Variants in ARMC3 observed in about 807,000 individuals in gnomAD.
ARMC3 encodes the protein armadillo repeat-containing protein 3.
ARMC3 carries 74 observed loss-of-function variants against 90.3 expected under a neutral mutation model. That is an observed-to-expected ratio of 0.82 (90% CI 0.68 to 0.99). The LOEUF (loss-of-function observed/expected upper bound fraction) is 0.99, where lower values mean the gene tolerates loss of function less well. Ranked by LOEUF, ARMC3 falls within the 50% of genes least tolerant of loss-of-function variation. The pLI is 0.00. For synonymous variants in ARMC3, 334 were observed against 361.8 expected, an observed-to-expected ratio of 0.92 and a Z score of 0.87; for missense variants, 958 against 1,042.8, an observed-to-expected ratio of 0.92 and a Z score of 1.12.
chr10:23,006,857 C>A, intron 13 of ARMC3, 27 bp from the exon 14 acceptor site: 1 of 1,604,028 alleles, frequency 6.2e-7, no homozygotes, highest in Non-Finnish European at 8.5e-7. Context: ...GCAGATACTA[C>A]TTTTTGGTCC....
At chr10:22,959,895 T>C (rs1288604305) in intron 6 of ARMC3, 2 of 473,300 alleles carry the variant, frequency 4.2e-6, no homozygotes, top group African/African-American at 3.9e-5. Flanking sequence ...CAGCTACTAT[T>C]GACTGAACCC....
intron 13 of ARMC3, among the ~76,000 whole-genome samples, chr10:23,006,296 G>A (rs564001745): frequency 1.3e-5 from 2 of 152,198 alleles, no homozygotes; most frequent in African/African-American, 4.8e-5. Flanking sequence ...AACAGGAACC[G>A]TGGCAGTGTC....
At chr10:23,027,762 C>G (rs1838770103) in intron 16 of ARMC3, among the ~76,000 whole-genome samples, 1 of 152,164 alleles carries the variant, frequency 6.6e-6, no homozygotes, top group Non-Finnish European at 1.5e-5. Context: ...TTTCTCTTCT[C>G]TGTCTGGGAC....
In ARMC3 at chr10:23,024,393, C is replaced by CAG. The variant is rs1554787800; in HGVS notation, c.2046-6202_2046-6201insGA. ...GGATTAGGAAGAAAGAGGAATGCCA[C>CAG]ATAGATAGATAGATAGATAGATAGA... On this transcript the variant is annotated intron_variant, in intron 16 of 18. Coordinates refer to ENST00000298032, the MANE Select transcript of ARMC3 (RefSeq NM_173081.5). 2.3e-3 allele frequency among the ~76,000 whole-genome samples: 302 copies of CAG among 133,540 alleles called. 2 individuals carry two copies. Among genetic ancestry groups the CAG allele is most frequent in the African/African-American group, 7.3e-3 (287 of 39,520 alleles). The allele number at this position is 133,540 out of a possible 152,430, so 87.6% of individuals were successfully genotyped here.
chr10:22,994,801 G>A (rs1474092583), intron 10 of ARMC3, among the ~76,000 whole-genome samples: 1 of 152,138 alleles, frequency 6.6e-6, no homozygotes, highest in Non-Finnish European at 1.5e-5. Flanking sequence ...TATGGAGGAG[G>A]AAAATAGTCA....
chr10:22,988,323 A>C (rs1262589200), intron 10 of ARMC3, among the ~76,000 whole-genome samples: 1 of 152,210 alleles, frequency 6.6e-6, no homozygotes, highest in East Asian at 1.9e-4. Context: ...GTGCTTCAAC[A>C]AAAATCAGTG....
At chr10:22,999,047 T>C (rs1331809133) in intron 11 of ARMC3, among the ~76,000 whole-genome samples, 1 of 152,240 alleles carries the variant, frequency 6.6e-6, no homozygotes, top group East Asian at 1.9e-4. Context: ...TTCGGTGTCA[T>C]TGAAATGGTC....
At position 22,959,093 on chromosome 10, in the gene ARMC3, G is replaced by C; in HGVS notation, c.316G>C (p.Glu106Gln). The change falls in exon 5 of 19, where the codon GAG becomes CAG. Residue 106 changes from glutamate to glutamine, a missense_variant. Coordinates refer to ENST00000298032, the MANE Select transcript of ARMC3 (RefSeq NM_173081.5). ...SNNDVKKLLR[E>Q]LDVMNSVIAQ... ...AGATGATGTTAAAAAATTGTTAAGG[G>C]AGTTAGATGTCATGAATTCTGTCAT... The C allele has an allele frequency of 6.2e-7, 1 of 1,612,182 alleles. No homozygotes were observed. The highest frequency in any genetic ancestry group is 8.5e-7 in the Non-Finnish European group (1 of 1,178,266).
At chr10:23,035,210 C>T (rs1839078662) in intron 18 of ARMC3, among the ~76,000 whole-genome samples, 1 of 152,110 alleles carries the variant, frequency 6.6e-6, no homozygotes, top group Non-Finnish European at 1.5e-5. Context: ...AGCAAGCATG[C>T]TCTCCTGTCT....
intron 2 of ARMC3, among the ~76,000 whole-genome samples, chr10:22,942,276 C>T (rs946846251): frequency 1.3e-5 from 2 of 152,108 alleles, no homozygotes; most frequent in Middle Eastern, 3.2e-3. Flanking sequence ...CTACCAAGAA[C>T]CCCTCAGAGC....
intron 3 of ARMC3, among the ~76,000 whole-genome samples, chr10:22,949,800 T>C (rs1834673679): frequency 1.3e-5 from 2 of 152,112 alleles, no homozygotes; most frequent in Non-Finnish European, 2.9e-5. Context: ...AACCATGCCA[T>C]AGTACATTAT....
chr10:23,035,438 C>T (rs1370793357), intron 18 of ARMC3, among the ~76,000 whole-genome samples: 2 of 152,102 alleles, frequency 1.3e-5, no homozygotes, highest in African/African-American at 4.8e-5. Context: ...CTGAGTCATG[C>T]AATTAATTAC....
At chr10:22,929,173 C>T (rs1833828370) in intron 1 of ARMC3, among the ~76,000 whole-genome samples, 1 of 150,272 alleles carries the variant, frequency 6.7e-6, no homozygotes, top group African/African-American at 2.5e-5. Context: ...TTGCAATGAG[C>T]CAAGATCAGG....
intron 10 of ARMC3, among the ~76,000 whole-genome samples, chr10:22,987,142 T>C (rs552951660): frequency 1.2e-3 from 176 of 152,336 alleles, no homozygotes; most frequent in African/African-American, 4.1e-3. Flanking sequence ...TAATGCCTTT[T>C]GAAAACGAGA....
At chr10:22,994,148 A>G (rs920314040) in intron 10 of ARMC3, among the ~76,000 whole-genome samples, 2 of 152,280 alleles carry the variant, frequency 1.3e-5, no homozygotes, top group Non-Finnish European at 2.9e-5. Context: ...TTGGGGATCC[A>G]GAAGTGCCTC....
chr10:22,946,666 G>A (rs913687860), intron 3 of ARMC3: 1 of 153,674 alleles, frequency 6.5e-6, no homozygotes, highest in Non-Finnish European at 1.4e-5. Flanking sequence ...TGGAAGAGAA[G>A]AGACAAATCT....
chr10:22,973,322 A>G (rs1442875605), intron 8 of ARMC3, among the ~76,000 whole-genome samples: 25 of 148,504 alleles, frequency 1.7e-4, no homozygotes, highest in Non-Finnish European at 3.0e-5. Context: ...TAATAATAAT[A>G]ATAATAATAA....
chr10:22,931,435 C>T (rs1054152882), intron 1 of ARMC3, among the ~76,000 whole-genome samples: 4 of 151,928 alleles, frequency 2.6e-5, no homozygotes, highest in South Asian at 2.1e-4. Flanking sequence ...TTTTGTTATC[C>T]GGGCAAAGGA....
At chr10:22,958,975 A>C in intron 4 of ARMC3, 95 bp from the exon 5 acceptor site, 2 of 995,212 alleles carry the variant, frequency 2.0e-6, no homozygotes, top group South Asian at 2.7e-5. Flanking sequence ...CACCCGCCTC[A>C]GCCTTTCAAA....
Sources: allele counts gnomAD v4.1 joint callset (sites outside exome capture counted in the v4.1 genomes callset), GRCh38; gene constraint gnomAD v4.1.1; transcripts MANE v1.5; gene names NCBI Gene and HGNC (gene_info 2026-07-23, HGNC 2026-07-21).